SYNPR: variants seen among roughly 807,000 people sequenced by gnomAD.
The protein encoded by SYNPR is synaptoporin.
SYNPR carries 23 observed loss-of-function variants against 32.9 expected under a neutral mutation model. That is an observed-to-expected ratio of 0.70 (90% CI 0.50 to 0.99). The LOEUF (loss-of-function observed/expected upper bound fraction) is 0.99. Among genes scored for constraint, SYNPR ranks in the 50% least tolerant of loss-of-function variants. The probability of loss-of-function intolerance (pLI) is 0.00; values close to 1 mark genes in which losing one functional copy is unlikely to be tolerated. For synonymous variants in SYNPR, 146 were observed against 135.9 expected (o/e 1.07, Z -0.52); for missense variants, 318 against 349.3 (o/e 0.91, Z 0.71).
At chr3:63,220,276 C>G in the SYNPR span, among the ~76,000 whole-genome samples, 1 of 152,154 alleles carries the variant, frequency 6.6e-6, no homozygotes, top group East Asian at 1.9e-4. Context: ...AAATTAAAAA[C>G]TATTTTGCAG....
At chr3:63,419,457 T>C (rs2088579770) in intron 2 of SYNPR, among the ~76,000 whole-genome samples, 1 of 152,222 alleles carries the variant, frequency 6.6e-6, no homozygotes, top group South Asian at 2.1e-4. Context: ...GTGACAGAGC[T>C]ACCCCAAAGA....
intron 2 of SYNPR, among the ~76,000 whole-genome samples, chr3:63,472,123 C>T (rs916400880): frequency 3.9e-5 from 6 of 152,142 alleles, no homozygotes; most frequent in Non-Finnish European, 8.8e-5. Context: ...CTTCATGTAG[C>T]CCTCATCTGA....
chr3:63,409,440 A>T (rs2088432363), intron 2 of SYNPR, among the ~76,000 whole-genome samples: 1 of 152,108 alleles, frequency 6.6e-6, no homozygotes, highest in Non-Finnish European at 1.5e-5. Flanking sequence ...TGCTGCATCC[A>T]TTCACTATGA....
At chr3:63,463,302 T>C (rs1455314105) in intron 2 of SYNPR, among the ~76,000 whole-genome samples, 1 of 152,148 alleles carries the variant, frequency 6.6e-6, no homozygotes, top group African/African-American at 2.4e-5. Context: ...TCTTAATAGA[T>C]ACAGTTTTGG....
At chr3:63,264,674 G>C (rs1268026889) in intron 2 of SYNPR, among the ~76,000 whole-genome samples, 2 of 152,116 alleles carry the variant, frequency 1.3e-5, no homozygotes, top group Non-Finnish European at 2.9e-5. Flanking sequence ...ACTGCTATGA[G>C]GAAATACCCC....
intron 2 of SYNPR, among the ~76,000 whole-genome samples, chr3:63,313,452 G>A (rs1003858110): frequency 1.3e-5 from 2 of 151,330 alleles, no homozygotes; most frequent in African/African-American, 4.8e-5. Context: ...ATATAAGTGA[G>A]AACATTCAAT....
At chr3:63,254,228 A>T (rs2367769) in intron 2 of SYNPR, among the ~76,000 whole-genome samples, 129,157 of 151,936 alleles carry the variant, frequency 0.85, 55,707 homozygotes, top group African/African-American at 0.95. Context: ...AAATGACGAG[A>T]TAATGGGTGC....
chr3:63,299,189 G>A (rs1354041151), intron 2 of SYNPR, among the ~76,000 whole-genome samples: 1 of 152,130 alleles, frequency 6.6e-6, no homozygotes, highest in Non-Finnish European at 1.5e-5. Context: ...GAAAGAATTG[G>A]AGTTATCAAA....
chr3:63,480,700 A>T (rs1701029224), intron 2 of SYNPR, 132 bp from the exon 3 acceptor site: 1 of 1,209,214 alleles, frequency 8.3e-7, no homozygotes, highest in African/African-American at 1.5e-5. Context: ...TTCCAGCTGA[A>T]CCAAGGGCAA....
At chr3:63,537,485 G>C (rs1375214046) in intron 3 of SYNPR, among the ~76,000 whole-genome samples, 1 of 152,188 alleles carries the variant, frequency 6.6e-6, no homozygotes, top group Non-Finnish European at 1.5e-5. Context: ...GTAATCTTCT[G>C]TTTATGTGTC....
intron 2 of SYNPR, among the ~76,000 whole-genome samples, chr3:63,462,716 C>T (rs1700608531): frequency 6.6e-6 from 1 of 152,286 alleles, no homozygotes; most frequent in African/African-American, 2.4e-5. Context: ...TCCTCTTCAT[C>T]TATTATGACT....
intron 2 of SYNPR, among the ~76,000 whole-genome samples, chr3:63,392,772 T>A (rs1487018496): frequency 1.3e-5 from 2 of 152,110 alleles, no homozygotes; most frequent in Non-Finnish European, 2.9e-5. Flanking sequence ...TTTTCTTTTT[T>A]ATTATTATTA....
At chr3:63,371,925 C>T (rs556390520) in intron 2 of SYNPR, among the ~76,000 whole-genome samples, 1 of 152,282 alleles carries the variant, frequency 6.6e-6, no homozygotes, top group South Asian at 2.1e-4. Flanking sequence ...GCTATGCTGG[C>T]ATTTCCCACA....
At chr3:63,595,727 A>AGT (rs1211591744) in intron 4 of SYNPR, among the ~76,000 whole-genome samples, 17 of 18,492 alleles carry the variant, frequency 9.2e-4, no homozygotes, top group African/African-American at 5.2e-3. Context: ...TTATATATAT[A>AGT]TATATATATA....
chr3:63,595,783 ATAGT>A (rs1363673110), intron 4 of SYNPR, among the ~76,000 whole-genome samples: 1 of 54,510 alleles, frequency 1.8e-5, no homozygotes, highest in Non-Finnish European at 2.9e-5. Flanking sequence ...TTATATATAT[ATAGT>A]TATATATATA....
intron 2 of SYNPR, among the ~76,000 whole-genome samples, chr3:63,436,281 ATTAACTCATCAT>A (rs1384013638): frequency 1.3e-5 from 2 of 150,984 alleles, no homozygotes; most frequent in African/African-American, 4.9e-5. Context: ...TGCTGCACTC[ATTAACTCATCAT>A]TTAACATTAG....
intron 2 of SYNPR, among the ~76,000 whole-genome samples, chr3:63,353,480 T>TG (rs780154863): frequency 1.3e-5 from 2 of 152,216 alleles, no homozygotes; most frequent in Non-Finnish European, 2.9e-5. Context: ...TCTGGGCTTT[T>TG]GGGGCATTCA....
chr3:63,500,974 A>T (rs975460158), intron 3 of SYNPR, among the ~76,000 whole-genome samples: 3 of 152,194 alleles, frequency 2.0e-5, no homozygotes, highest in African/African-American at 7.2e-5. Flanking sequence ...AAATGAAACT[A>T]ATAATCCCTA....
At chr3:63,423,408 A>T (rs186163284) in intron 2 of SYNPR, among the ~76,000 whole-genome samples, 8 of 152,268 alleles carry the variant, frequency 5.3e-5, no homozygotes, top group Admixed American at 5.2e-4. Context: ...CAGCGAGGAG[A>T]CAGGAGAAGG....
Sources: allele counts gnomAD v4.1 joint callset (sites outside exome capture counted in the v4.1 genomes callset), GRCh38; gene constraint gnomAD v4.1.1; transcripts MANE v1.5; gene names NCBI Gene and HGNC (gene_info 2026-07-23, HGNC 2026-07-21).